CDH18: variants seen among roughly 807,000 people sequenced by gnomAD.
The protein encoded by CDH18 is cadherin-18.
Under a neutral mutation model 67.9 loss-of-function variants are expected in CDH18, and 31 were observed. That is an observed-to-expected ratio of 0.46 (90% CI 0.34 to 0.62). The LOEUF is 0.62. Ranked by LOEUF, CDH18 falls within the 20% of genes least tolerant of loss-of-function variation. CDH18 has a pLI of 0.01. For missense variants in CDH18, 890 were observed against 975.5 expected, an observed-to-expected ratio of 0.91 and a Z score of 1.17; for synonymous variants, 362 against 347.2, an observed-to-expected ratio of 1.04 and a Z score of -0.48.
At chr5:19,989,743 G>A (rs1026623737), upstream of CDH18, among the ~76,000 whole-genome samples, 2 of 152,176 alleles carry the variant, frequency 1.3e-5, no homozygotes, top group Admixed American at 6.5e-5. Flanking sequence ...TATTTTGCTT[G>A]AGTGATGTGA....
intron 1 of CDH18, among the ~76,000 whole-genome samples, chr5:20,407,359 T>A (rs1746359325): frequency 6.6e-6 from 1 of 151,918 alleles, no homozygotes; most frequent in Non-Finnish European, 1.5e-5. Flanking sequence ...AAGACAGTGG[T>A]TTAGGGTAGC....
chr5:19,966,462 C>G (rs540960860), intron 2 of CDH18, among the ~76,000 whole-genome samples: 25 of 152,140 alleles, frequency 1.6e-4, no homozygotes, highest in Admixed American at 7.2e-4. Context: ...ATTGTATATT[C>G]CAACTGGATG....
intron 1 of CDH18, among the ~76,000 whole-genome samples, chr5:20,544,532 G>T (rs1300824109): frequency 1.3e-5 from 2 of 151,988 alleles, no homozygotes; most frequent in Non-Finnish European, 2.9e-5. Flanking sequence ...CATATTGGAA[G>T]GCAAAGGGGA....
intron 2 of CDH18, among the ~76,000 whole-genome samples, chr5:19,894,594 G>A (rs1047669081): frequency 6.6e-6 from 1 of 151,950 alleles, no homozygotes; most frequent in Non-Finnish European, 1.5e-5. Flanking sequence ...ATATTTTTGT[G>A]AAGATATTTT....
chr5:19,740,652 G>T (rs901819869), intron 4 of CDH18, among the ~76,000 whole-genome samples: 7 of 152,088 alleles, frequency 4.6e-5, no homozygotes, highest in Non-Finnish European at 2.9e-5. Flanking sequence ...TGTGAAAAGT[G>T]TAATACCATT....
chr5:19,955,385 CA>C (rs1561625235), intron 2 of CDH18, among the ~76,000 whole-genome samples: 1 of 151,490 alleles, frequency 6.6e-6, no homozygotes, highest in African/African-American at 2.4e-5. Context: ...ACAATAAAAG[CA>C]AAAAAAGAAC....
chr5:19,812,674 C>G (rs1178293003), intron 3 of CDH18, among the ~76,000 whole-genome samples: 6 of 151,958 alleles, frequency 3.9e-5, no homozygotes, highest in African/African-American at 7.2e-5. Context: ...TGTAATGGGT[C>G]CAAATGCATT....
At chr5:20,413,703 T>C (rs1054864911) in intron 1 of CDH18, among the ~76,000 whole-genome samples, 3 of 152,248 alleles carry the variant, frequency 2.0e-5, no homozygotes, top group Non-Finnish European at 4.4e-5. Context: ...TTGTAGGTTC[T>C]GGATATTAGC....
chr5:19,848,180 G>A (rs1038689576), intron 2 of CDH18: 1 of 152,172 alleles, frequency 6.6e-6, no homozygotes, highest in Non-Finnish European at 1.5e-5. Context: ...GAGCCATTAG[G>A]CATGAAGAGT....
intron 2 of CDH18, among the ~76,000 whole-genome samples, chr5:20,010,637 T>C (rs1737353054): frequency 6.6e-6 from 1 of 152,206 alleles, no homozygotes; most frequent in African/African-American, 2.4e-5. Context: ...GAATTTTCTG[T>C]AACATTAACC....
chr5:19,600,143 T>C (rs911494620), intron 6 of CDH18, among the ~76,000 whole-genome samples: 1 of 141,250 alleles, frequency 7.1e-6, no homozygotes, highest in Non-Finnish European at 1.5e-5. Context: ...TAGGTGGGAA[T>C]TAAACTATGA....
At position 20,087,670 on chromosome 5, in the gene CDH18, T is replaced by C. The variant is rs184814400; in HGVS notation, c.-517-95656A>G. 2.0e-5 allele frequency among the ~76,000 whole-genome samples: 3 copies of C among 152,300 alleles called. No homozygotes were observed. The East Asian group carries it at 5.8e-4, about 30-fold the overall frequency. On this transcript the variant is annotated intron_variant, in intron 2 of 14. Coordinates refer to the CDH18 transcript ENST00000507958. ...AATGTTAGTATATTTAGCAATAAAGTATTTTTGAACAAAAGCATGTACGTT... is the reference window on the plus strand; with the variant it reads ...AATGTTAGTATATTTAGCAATAAAGCATTTTTGAACAAAAGCATGTACGTT...
At chr5:20,488,214 T>C (rs1171293252) in intron 1 of CDH18, among the ~76,000 whole-genome samples, 3 of 152,210 alleles carry the variant, frequency 2.0e-5, no homozygotes, top group Non-Finnish European at 4.4e-5. Flanking sequence ...AAAAATATTT[T>C]AAATACATAT....
At chr5:20,397,007 C>A (rs1745337895) in intron 1 of CDH18, among the ~76,000 whole-genome samples, 2 of 152,228 alleles carry the variant, frequency 1.3e-5, no homozygotes, top group South Asian at 4.1e-4. Context: ...ATGTTCTTAG[C>A]CCCAACTCAG....
At chr5:20,369,838 C>T (rs1742829901) in intron 1 of CDH18, among the ~76,000 whole-genome samples, 1 of 152,092 alleles carries the variant, frequency 6.6e-6, no homozygotes, top group African/African-American at 2.4e-5. Context: ...AATGAAGTAA[C>T]TTTTTAACAT....
intron 2 of CDH18, among the ~76,000 whole-genome samples, chr5:19,916,889 G>A (rs968674536): frequency 7.4e-4 from 112 of 151,994 alleles, no homozygotes; most frequent in African/African-American, 2.6e-3. Flanking sequence ...TACAGTTAAG[G>A]CCAATTAAAG....
chr5:19,673,974 TAA>T (rs1759117041), intron 5 of CDH18, among the ~76,000 whole-genome samples: 1 of 152,166 alleles, frequency 6.6e-6, no homozygotes, highest in East Asian at 1.9e-4. Context: ...TTTAAAGAAA[TAA>T]GTCACCTAAA....
chr5:19,742,530 A>G (rs1769349397), intron 4 of CDH18, among the ~76,000 whole-genome samples: 1 of 152,070 alleles, frequency 6.6e-6, no homozygotes, highest in African/African-American at 2.4e-5. Context: ...ACCAAGCATT[A>G]TTTAAGATTC....
In CDH18 at chr5:19,743,747, C is replaced by A. The variant is rs573046133; in HGVS notation, c.523+3195G>T. Among the ~76,000 whole-genome samples, 14 of 151,946 alleles carry A rather than the reference C, an allele frequency of 9.2e-5. No homozygotes were observed. The East Asian group carries it at 2.5e-3, about 27-fold the overall frequency. On this transcript the variant is annotated intron_variant, in intron 4 of 12. Transcript: ENST00000382275. ...ACCAGCCTGGCCAACATGGCAAGACCCCGTCTCTACTAAAATTACAAACTT... is the reference window on the plus strand; with the variant it reads ...ACCAGCCTGGCCAACATGGCAAGACACCGTCTCTACTAAAATTACAAACTT...
Sources: gnomAD v4.1 joint callset for allele counts (sites outside exome capture counted in the v4.1 genomes callset) on GRCh38, gnomAD v4.1.1 for gene constraint, MANE v1.5 for transcripts, NCBI Gene and HGNC (gene_info 2026-07-23, HGNC 2026-07-21) for gene names.